The following AJAP1 variants were observed in gnomAD, a reference collection of about 807,000 sequenced individuals.
AJAP1 encodes adherens junction-associated protein 1.
Under a neutral mutation model 35.0 loss-of-function variants are expected in AJAP1, and 5 were observed. The ratio of observed to expected loss-of-function variants is 0.14; its 90% confidence interval spans 0.07 to 0.30. The LOEUF (loss-of-function observed/expected upper bound fraction) is 0.30, where lower values mean the gene tolerates loss of function less well. Among genes scored for constraint, AJAP1 ranks in the 10% least tolerant of loss-of-function variants. The pLI is 1.00. For synonymous variants in AJAP1, 284 were observed against 249.3 expected, an observed-to-expected ratio of 1.14 and a Z score of -1.31; for missense variants, 586 against 571.0, an observed-to-expected ratio of 1.03 and a Z score of -0.27.
At position 4,723,891 on chromosome 1, in the gene AJAP1, G is replaced by A. The variant is rs1319944910; in HGVS notation, c.829+11192G>A. The stretch of plus-strand genomic sequence containing the variant: ...AATGTGGCAGGGACGGAGGAACGGG[G>A]ACAATACAGAAGCCAAGTCCTTAAG... On this transcript the variant is annotated intron_variant, in intron 2 of 5. Coordinates refer to ENST00000378191, the MANE Select transcript of AJAP1 (RefSeq NM_018836.4). The surrounding 1 kb of genome is among the most constrained non-coding windows in gnomAD (Gnocchi z 4.3). 6.6e-6 allele frequency among the ~76,000 whole-genome samples: 1 copy of A among 152,138 alleles called. No individual in the cohort carries two copies. The highest frequency in any genetic ancestry group is 1.5e-5 in the Non-Finnish European group (1 of 68,008).
chr1:4,680,419 C>G (rs529706140), intron 1 of AJAP1, among the ~76,000 whole-genome samples: 5 of 152,312 alleles, frequency 3.3e-5, no homozygotes, highest in Admixed American at 3.3e-4. Flanking sequence ...AGGTCACAGT[C>G]TGAGGTTCAA....
rs536389696 is a variant in AJAP1 at position 4,789,072 on chromosome 1, G to C, written c.*6587G>C. On this transcript the variant is annotated 3_prime_UTR_variant, in exon 6 of 6. Transcript: ENST00000378191. The surrounding 1 kb of genome is among the most constrained non-coding windows in gnomAD (Gnocchi z 4.4). ...GAATCAAGAGAGCAGTTTTGAATGAGCCGTAAATCTGAGTCATATATAAGA... is the reference window on the plus strand; with the variant it reads ...GAATCAAGAGAGCAGTTTTGAATGACCCGTAAATCTGAGTCATATATAAGA... The C allele has an allele frequency of 6.6e-6, 1 of 152,338 alleles. No homozygotes were observed. The highest frequency in any genetic ancestry group is 2.1e-4 in the South Asian group (1 of 4,818). 9.4% of individuals were successfully genotyped at this position (152,338 alleles called of 1,614,324 possible). A position where few individuals can be genotyped will look rare whatever the true frequency, so the allele number is the denominator to read the frequency against.
At chr1:4,741,973 C>T (rs1002794770) in intron 2 of AJAP1, among the ~76,000 whole-genome samples, 6 of 152,110 alleles carry the variant, frequency 3.9e-5, no homozygotes, top group African/African-American at 7.2e-5. Flanking sequence ...GAATAAGACA[C>T]GGAAAAGGAC....
intron 1 of AJAP1, among the ~76,000 whole-genome samples, chr1:4,678,833 C>T (rs1174787679): frequency 6.6e-6 from 1 of 152,190 alleles, no homozygotes; most frequent in Non-Finnish European, 1.5e-5. Context: ...TCCAAATAAT[C>T]ACTAACATTT....
At position 4,655,475 on chromosome 1, in the gene AJAP1, CG is replaced by C. The variant is rs781692283; in HGVS notation, c.29+24del. Reference sequence around the variant, plus strand: ...CTCAGGTGAGCGACCCGGCCGGCGCCGGGTGCGTGTGGGCGCGTGGGTGCCA... The same window carrying C: ...CTCAGGTGAGCGACCCGGCCGGCGCCGGTGCGTGTGGGCGCGTGGGTGCCA... On this transcript the variant is annotated intron_variant, in intron 1 of 5. Coordinates refer to ENST00000378191, the MANE Select transcript of AJAP1 (RefSeq NM_018836.4). This position sits in a 1 kb window ranked among gnomAD's most constrained non-coding sequence, Gnocchi z 6.9. 1 of 1,564,312 alleles carries C rather than the reference CG, an allele frequency of 6.4e-7. No homozygotes were observed. The highest frequency in any genetic ancestry group is 1.4e-5 in the African/African-American group (1 of 71,202).
At chr1:4,756,617 A>G (rs983844721) in intron 2 of AJAP1, among the ~76,000 whole-genome samples, 1 of 152,196 alleles carries the variant, frequency 6.6e-6, no homozygotes, top group African/African-American at 2.4e-5. Flanking sequence ...CTGAGACTAC[A>G]TCCTGCTGAG....
chr1:4,701,001 G>A (rs774182263), intron 1 of AJAP1, among the ~76,000 whole-genome samples: 7 of 152,206 alleles, frequency 4.6e-5, no homozygotes, highest in Admixed American at 6.5e-5. Context: ...GCCACCCACC[G>A]TCCTGCCCAC....
intron 1 of AJAP1, among the ~76,000 whole-genome samples, chr1:4,706,377 C>T (rs1354343168): frequency 6.6e-6 from 1 of 152,330 alleles, no homozygotes; most frequent in East Asian, 1.9e-4. Flanking sequence ...GTATGAATGA[C>T]AGAAAAACTG....
chr1:4,740,808 G>A (rs957850445), intron 2 of AJAP1, among the ~76,000 whole-genome samples: 10 of 121,302 alleles, frequency 8.2e-5, no homozygotes, highest in Non-Finnish European at 1.1e-4. Flanking sequence ...AAAAAAAAGC[G>A]GGGGGGGCTA....
intron 2 of AJAP1, among the ~76,000 whole-genome samples, chr1:4,759,734 T>C (rs1641521641): frequency 6.6e-6 from 1 of 152,300 alleles, no homozygotes; most frequent in East Asian, 1.9e-4. Context: ...GGGGGAGCCT[T>C]GCCATTTGTT....
chr1:4,781,150 C>T (rs1642056059), intron 5 of AJAP1, among the ~76,000 whole-genome samples: 2 of 152,190 alleles, frequency 1.3e-5, no homozygotes, highest in Admixed American at 6.5e-5. Context: ...TGTTCTGGGG[C>T]CTGCCAGCCT....
chr1:4,657,865 T>C (rs1638916594), intron 1 of AJAP1, among the ~76,000 whole-genome samples: 2 of 152,130 alleles, frequency 1.3e-5, no homozygotes, highest in Non-Finnish European at 2.9e-5. Context: ...TTGAGACTTA[T>C]TGAGCAGCTT....
intron 1 of AJAP1, among the ~76,000 whole-genome samples, chr1:4,687,946 A>G (rs1294393677): frequency 1.3e-5 from 2 of 152,238 alleles, no homozygotes; most frequent in Non-Finnish European, 2.9e-5. Context: ...CAGCTGAGGA[A>G]GGGGCTGCAG....
chr1:4,754,326 T>C (rs1477488219), intron 2 of AJAP1, among the ~76,000 whole-genome samples: 1 of 152,206 alleles, frequency 6.6e-6, no homozygotes, highest in East Asian at 1.9e-4. Context: ...AGCTGTATGG[T>C]CTGTAAAACC....
At chr1:4,753,902 A>G (rs1641372339) in intron 2 of AJAP1, among the ~76,000 whole-genome samples, 1 of 151,902 alleles carries the variant, frequency 6.6e-6, no homozygotes, top group Non-Finnish European at 1.5e-5. Flanking sequence ...GTGTCTGATA[A>G]CTCCAATACT....
At chr1:4,753,276 C>A (rs1170411510) in intron 2 of AJAP1, among the ~76,000 whole-genome samples, 1 of 152,160 alleles carries the variant, frequency 6.6e-6, no homozygotes, top group Non-Finnish European at 1.5e-5. Flanking sequence ...CCCCTGGAAG[C>A]TACATTAAGG....
chr1:4,677,717 T>A (rs547517047), intron 1 of AJAP1, among the ~76,000 whole-genome samples: 1 of 148,964 alleles, frequency 6.7e-6, no homozygotes, highest in Admixed American at 6.8e-5. Context: ...TTCCAGGTAA[T>A]GCTCCGAATG....
chr1:4,711,352 T>C (rs76345658), intron 1 of AJAP1, among the ~76,000 whole-genome samples: 2,985 of 152,222 alleles, frequency 0.02, 119 homozygotes, highest in East Asian at 0.15. Flanking sequence ...GGTTTCAAGC[T>C]TGAAACCTCC....
intron 2 of AJAP1, among the ~76,000 whole-genome samples, chr1:4,750,032 TTGTGTGTG>T (rs55677440): frequency 6.7e-6 from 1 of 150,340 alleles, no homozygotes; most frequent in African/African-American, 2.4e-5. Flanking sequence ...GTGCATGTGT[TTGTGTGTG>T]TGTGTGTGTT....
Sources: gnomAD v4.1 joint callset for allele counts (sites outside exome capture counted in the v4.1 genomes callset) on GRCh38, gnomAD v4.1.1 for gene constraint, Gnocchi (gnomAD v3.1) non-coding constraint, MANE v1.5 for transcripts, NCBI Gene and HGNC (gene_info 2026-07-23, HGNC 2026-07-21) for gene names.